Variants in SEC14L6 observed in about 807,000 individuals in gnomAD.
SEC14L6 encodes SEC14-like protein 6.
Under a neutral mutation model 54.1 loss-of-function variants are expected in SEC14L6, and 40 were observed. That is an observed-to-expected ratio of 0.74 (90% CI 0.57 to 0.96). The LOEUF (loss-of-function observed/expected upper bound fraction) is 0.96. SEC14L6 is among the 40% of genes least tolerant of loss of function. The pLI is 0.00. For synonymous variants in SEC14L6, 171 were observed against 198.4 expected (o/e 0.86, Z 1.16); for missense variants, 471 against 498.3 (o/e 0.95, Z 0.52).
Position 30,524,840 on chromosome 22 carries a change from G to A in SEC14L6, c.*157C>T, listed in dbSNP as rs988718091. 24 of 606,226 alleles carry A rather than the reference G, an allele frequency of 4.0e-5. No homozygotes were observed. Among genetic ancestry groups the A allele is most frequent in the African/African-American group, 2.0e-4 (11 of 54,302 alleles). The allele number at this position is 606,226 out of a possible 1,614,324, so 37.6% of individuals were successfully genotyped here. The stretch of plus-strand genomic sequence containing the variant: ...CCACCACTAGGACACTGTCCCAGCC[G>A]TTCCTGAGGAGTGGGCCAGCTGTGA... On this transcript the variant is annotated 3_prime_UTR_variant, in exon 12 of 12. Transcript: ENST00000402034.
chr22:30,533,404 C>A (rs1366719036), intron 3 of SEC14L6, among the ~76,000 whole-genome samples: 1 of 152,156 alleles, frequency 6.6e-6, no homozygotes, highest in African/African-American at 2.4e-5. Flanking sequence ...AGTTCAAGAC[C>A]AGCCTGGCCA....
chr22:30,526,331 C>G (rs1449284575), intron 8 of SEC14L6, among the ~76,000 whole-genome samples: 2 of 152,314 alleles, frequency 1.3e-5, no homozygotes, highest in African/African-American at 4.8e-5. Context: ...GCCTTCTGGT[C>G]AGATACTGCC....
At chr22:30,543,204 A>G in intron 1 of SEC14L6, 1 of 1,603,942 alleles carries the variant, frequency 6.2e-7, no homozygotes, top group Non-Finnish European at 8.5e-7. Flanking sequence ...TCCACAGCAC[A>G]GCCAATGTGG....
rs182739783 is a variant in SEC14L6, at chr22:30,539,069, T to C, written c.55-167A>G. Among the ~76,000 whole-genome samples the C allele has an allele frequency of 5.3e-5, 8 of 152,036 alleles. No homozygotes were observed. The East Asian group carries it at 1.6e-3, about 29-fold the overall frequency. ...CAGTTTGTTTCCTCCGTCTTGAAAATGGGATGATATAAAGAACCAACTACA... is the reference window on the plus strand; with the variant it reads ...CAGTTTGTTTCCTCCGTCTTGAAAACGGGATGATATAAAGAACCAACTACA... On this transcript the variant is annotated intron_variant, in intron 1 of 11. Coordinates refer to ENST00000402034, the MANE Select transcript of SEC14L6 (RefSeq NM_001193336.4).
intron 1 of SEC14L6, chr22:30,543,539 G>A (rs1463499299): frequency 1.9e-6 from 3 of 1,613,442 alleles, no homozygotes; most frequent in East Asian, 4.5e-5. Context: ...TCTGCCCACA[G>A]GGATGATGTG....
At position 30,524,659 on chromosome 22, in the gene SEC14L6, G is replaced by C. The variant is rs899076073; in HGVS notation, c.*338C>G. The C allele has an allele frequency of 2.1e-5, 4 of 189,962 alleles. No homozygotes were observed. The highest frequency in any genetic ancestry group is 4.4e-5 in the Non-Finnish European group (4 of 91,294). 11.8% of individuals were successfully genotyped at this position (189,962 alleles called of 1,614,324 possible). ...CCCAAAGTGCTGGGATTACAGGTATGAGCCACCATGCCTGGCCTAATACTA... is the reference window on the plus strand; with the variant it reads ...CCCAAAGTGCTGGGATTACAGGTATCAGCCACCATGCCTGGCCTAATACTA... On this transcript the variant is annotated 3_prime_UTR_variant, in exon 12 of 12. Coordinates refer to ENST00000402034, the MANE Select transcript of SEC14L6 (RefSeq NM_001193336.4).
chr22:30,541,574 T>C (rs1413302550), intron 1 of SEC14L6, among the ~76,000 whole-genome samples: 1 of 151,968 alleles, frequency 6.6e-6, no homozygotes, highest in African/African-American at 2.4e-5. Context: ...CAGAGAGTCA[T>C]TTGAACCTGG....
rs1377726913 is a variant in SEC14L6, at chr22:30,524,249, C to T, written c.*748G>A. Reference sequence around the variant, plus strand: ...TCGGCCCTGATGCCTCCCTGGGGACCCCTCCTCTTCCCCCTATGGCACAGC... The same window carrying T: ...TCGGCCCTGATGCCTCCCTGGGGACTCCTCCTCTTCCCCCTATGGCACAGC... On this transcript the variant is annotated 3_prime_UTR_variant, in exon 12 of 12. Coordinates refer to ENST00000402034, the MANE Select transcript of SEC14L6 (RefSeq NM_001193336.4). The T allele has an allele frequency of 6.6e-6, 1 of 152,208 alleles. No homozygotes were observed. The highest frequency in any genetic ancestry group is 1.5e-5 in the Non-Finnish European group (1 of 68,036). 9.4% of individuals were successfully genotyped at this position (152,208 alleles called of 1,614,324 possible). A position where few individuals can be genotyped will look rare whatever the true frequency, so the allele number is the denominator to read the frequency against.
intron 1 of SEC14L6, among the ~76,000 whole-genome samples, chr22:30,540,092 C>T (rs935525432): frequency 6.6e-6 from 1 of 152,128 alleles, no homozygotes; most frequent in African/African-American, 2.4e-5. Context: ...CTTTCCTTGG[C>T]CCCCCACCAA....
At chr22:30,537,842 C>T (rs2085626320) in intron 2 of SEC14L6, among the ~76,000 whole-genome samples, 1 of 152,150 alleles carries the variant, frequency 6.6e-6, no homozygotes, top group Admixed American at 6.6e-5. Context: ...TTTCTTCAGC[C>T]CCTTTTCTGT....
At position 30,531,399 on chromosome 22, in the gene SEC14L6, T is replaced by G. The variant is rs560779980; in HGVS notation, c.519+504A>C. 2.2e-4 allele frequency among the ~76,000 whole-genome samples: 32 copies of G among 147,696 alleles called. No individual in the cohort carries two copies. In the South Asian group the frequency reaches 6.9e-3, roughly 32 times the overall value. ...TCCAACCTGGGTGACAGAGCAAGAC[T>G]CTGTCTCAAAAAAAAGAAAAGAAAA... On this transcript the variant is annotated intron_variant, in intron 6 of 11. Transcript: ENST00000402034.
At chr22:30,528,361 TC>T (rs1483006370) in intron 8 of SEC14L6, among the ~76,000 whole-genome samples, 3 of 150,764 alleles carry the variant, frequency 2.0e-5, no homozygotes, top group Non-Finnish European at 2.9e-5. Context: ...GACCTCGTGA[TC>T]CACCCACCTC....
chr22:30,542,169 C>G (rs905824365), intron 1 of SEC14L6, among the ~76,000 whole-genome samples: 5 of 152,258 alleles, frequency 3.3e-5, no homozygotes, highest in African/African-American at 1.2e-4. Flanking sequence ...AAAGTCCACT[C>G]CAGCTTTTCC....
chr22:30,545,057 C>G (rs781428942), intron 1 of SEC14L6, among the ~76,000 whole-genome samples: 1 of 152,098 alleles, frequency 6.6e-6, no homozygotes, highest in Admixed American at 6.6e-5. Context: ...TGGCAGGAAT[C>G]GAGACCTCCA....
intron 6 of SEC14L6, among the ~76,000 whole-genome samples, chr22:30,531,074 C>G (rs150556696): frequency 6.6e-6 from 1 of 152,090 alleles, no homozygotes; most frequent in Non-Finnish European, 1.5e-5. Context: ...AGCACAGCCC[C>G]GAGAAGCTGT....
chr22:30,544,295 C>G, intron 1 of SEC14L6: 1 of 448,626 alleles, frequency 2.2e-6, no homozygotes, highest in Non-Finnish European at 4.0e-6. Flanking sequence ...CACCTGGAGG[C>G]TGACGTTGCC....
intron 1 of SEC14L6, among the ~76,000 whole-genome samples, chr22:30,540,367 C>CTCT (rs1568974219): frequency 1.1e-4 from 13 of 114,054 alleles, no homozygotes; most frequent in Non-Finnish European, 1.9e-4. Flanking sequence ...CTTTTTGTTC[C>CTCT]TTTTTTTTTT....
intron 1 of SEC14L6, chr22:30,542,882 T>C (rs1236613893): frequency 1.2e-6 from 2 of 1,600,564 alleles, no homozygotes; most frequent in South Asian, 1.1e-5. Flanking sequence ...AACATGGACT[T>C]TTCCATCTGC....
Position 30,532,824 on chromosome 22 carries a change from G to A in SEC14L6, c.207C>T (p.Ala69=). ...CTGGGGGCTGCCAGGCAAGGATGTTGGCCAGGTCTTGTTGCTTCCGGAACT... is the reference window on the plus strand; with the variant it reads ...CTGGGGGCTGCCAGGCAAGGATGTTAGCCAGGTCTTGTTGCTTCCGGAACT... The part of the protein sequence containing the change: ...HMEFRKQQDL[A]NILAWQPPEV... The change falls in exon 4 of 12, where the codon GCC becomes GCT. Residue 69 remains alanine, a synonymous_variant. Transcript: ENST00000402034. 6.2e-7 allele frequency: 1 copy of A among 1,613,736 alleles called. No individual in the cohort carries two copies. The highest frequency in any genetic ancestry group is 8.5e-7 in the Non-Finnish European group (1 of 1,179,918).
Sources: allele counts gnomAD v4.1 joint callset (sites outside exome capture counted in the v4.1 genomes callset), GRCh38; gene constraint gnomAD v4.1.1; transcripts MANE v1.5; gene names NCBI Gene and HGNC (gene_info 2026-07-23, HGNC 2026-07-21).